Variants in CNTN1 observed in about 807,000 individuals in gnomAD.
CNTN1 encodes contactin 1, also known as contactin-1.
A neutral mutation model predicts 126.4 loss-of-function variants in CNTN1; 38 were observed. The observed-to-expected ratio is 0.30, with a 90% CI of 0.23 to 0.39. CNTN1 has a LOEUF of 0.39. CNTN1 is among the 10% of genes least tolerant of loss of function. CNTN1 has a pLI of 1.00. For missense variants in CNTN1, 1,009 were observed against 1,248.4 expected (o/e 0.81, Z 2.89); for synonymous variants, 413 against 422.6 (o/e 0.98, Z 0.28).
At chr12:40,769,447 A>G (rs994219399) in intron 1 of CNTN1, among the ~76,000 whole-genome samples, 1 of 152,214 alleles carries the variant, frequency 6.6e-6, no homozygotes, top group African/African-American at 2.4e-5. Flanking sequence ...ATGGCCAACA[A>G]TTAAAATTCA....
intron 1 of CNTN1, among the ~76,000 whole-genome samples, chr12:40,804,318 C>T (rs187534982): frequency 9.1e-4 from 138 of 152,088 alleles, no homozygotes; most frequent in African/African-American, 3.0e-3. Flanking sequence ...GATATGTGTA[C>T]ATAAACAGTT....
At chr12:40,842,843 G>A (rs1341507722) in intron 1 of CNTN1, among the ~76,000 whole-genome samples, 2 of 152,074 alleles carry the variant, frequency 1.3e-5, no homozygotes, top group African/African-American at 4.8e-5. Flanking sequence ...TTAGGGATTT[G>A]TTATGTTTAA....
At chr12:40,770,792 G>A (rs1035205706) in intron 1 of CNTN1, among the ~76,000 whole-genome samples, 5 of 152,108 alleles carry the variant, frequency 3.3e-5, no homozygotes, top group African/African-American at 1.2e-4. Context: ...GGCCTGACTT[G>A]ATTCATGCTT....
At chr12:41,053,259 A>G (rs1379058975) in intron 23 of CNTN1, among the ~76,000 whole-genome samples, 1 of 150,874 alleles carries the variant, frequency 6.6e-6, no homozygotes, top group Non-Finnish European at 1.5e-5. Context: ...TTTTATAAAT[A>G]AAAAGACATT....
At chr12:40,914,841 G>A (rs927934437) in intron 3 of CNTN1, among the ~76,000 whole-genome samples, 1 of 152,046 alleles carries the variant, frequency 6.6e-6, no homozygotes, top group Non-Finnish European at 1.5e-5. Context: ...ATGTTATCCA[G>A]TTTGGCCTAT....
At chr12:40,876,141 C>A (rs1489613625) in intron 1 of CNTN1, among the ~76,000 whole-genome samples, 29 of 142,690 alleles carry the variant, frequency 2.0e-4, no homozygotes, top group South Asian at 2.2e-4. Flanking sequence ...TAGTAAAAGC[C>A]AAAAAAAAAA....
intron 1 of CNTN1, among the ~76,000 whole-genome samples, chr12:40,810,290 G>A (rs1003947758): frequency 1.3e-5 from 2 of 152,138 alleles, no homozygotes; most frequent in African/African-American, 4.8e-5. Flanking sequence ...GTCACAAAGT[G>A]ATGTTTTGAT....
At chr12:40,723,582 G>C (rs1323031377) in intron 1 of CNTN1, among the ~76,000 whole-genome samples, 2 of 152,190 alleles carry the variant, frequency 1.3e-5, no homozygotes, top group Non-Finnish European at 2.9e-5. Flanking sequence ...TGAAACACTT[G>C]ATGTGTTATT....
intron 1 of CNTN1, among the ~76,000 whole-genome samples, chr12:40,727,721 C>G (rs935896822): frequency 3.3e-5 from 5 of 152,032 alleles, no homozygotes; most frequent in Admixed American, 3.3e-4. Flanking sequence ...CATGCTACAC[C>G]CTTTGTCTAT....
intron 1 of CNTN1, among the ~76,000 whole-genome samples, chr12:40,805,980 A>G (rs77395541): frequency 0.023 from 3,462 of 152,184 alleles, 127 homozygotes; most frequent in African/African-American, 0.078. Flanking sequence ...TTTTAAATCA[A>G]TGTTGTAATC....
chr12:40,930,488 A>G (rs962307286), intron 7 of CNTN1, among the ~76,000 whole-genome samples: 1 of 152,014 alleles, frequency 6.6e-6, no homozygotes, highest in Non-Finnish European at 1.5e-5. Flanking sequence ...TCTAATCTAC[A>G]TAATCAGCAT....
At chr12:40,822,468 G>C (rs1313950337) in intron 1 of CNTN1, among the ~76,000 whole-genome samples, 1 of 151,968 alleles carries the variant, frequency 6.6e-6, no homozygotes, top group African/African-American at 2.4e-5. Flanking sequence ...TACATGTTAT[G>C]ATTGGAATTG....
intron 15 of CNTN1, among the ~76,000 whole-genome samples, chr12:40,970,487 G>A (rs532405910): frequency 6.6e-6 from 1 of 151,952 alleles, no homozygotes; most frequent in South Asian, 2.1e-4. Context: ...CCTAGTTTCC[G>A]TTTCTTCTAT....
At chr12:40,937,750 G>A in intron 11 of CNTN1, 63 bp downstream of exon 11, 1 of 969,230 alleles carries the variant, frequency 1.0e-6, no homozygotes, top group Non-Finnish European at 1.7e-6. Flanking sequence ...CACACAAAAT[G>A]TTTATTGAGC....
chr12:41,038,861 G>T (rs1949330579), intron 23 of CNTN1, among the ~76,000 whole-genome samples: 1 of 151,950 alleles, frequency 6.6e-6, no homozygotes, highest in African/African-American at 2.4e-5. Context: ...CACTAAGAGT[G>T]CAGGGAGGGG....
At chr12:40,980,691 A>G (rs1947798321) in intron 15 of CNTN1, among the ~76,000 whole-genome samples, 1 of 152,166 alleles carries the variant, frequency 6.6e-6, no homozygotes, top group African/African-American at 2.4e-5. Context: ...AAATGATAGC[A>G]TTTATCCCCT....
At chr12:40,973,735 T>G (rs2137051979) in intron 15 of CNTN1, among the ~76,000 whole-genome samples, 1 of 152,206 alleles carries the variant, frequency 6.6e-6, no homozygotes, top group East Asian at 1.9e-4. Context: ...TATTTCCAAC[T>G]ATAGTTGTTT....
rs181883520 is a variant in CNTN1 at position 40,983,465 on chromosome 12, C to T, written c.1963+2398C>T. ...ACATTTTAATTCCTTTGATGATATTCACCGTGTGTGTGTGTGTGTGTGTGT... is the reference window on the plus strand; with the variant it reads ...ACATTTTAATTCCTTTGATGATATTTACCGTGTGTGTGTGTGTGTGTGTGT... On this transcript the variant is annotated intron_variant, in intron 16 of 23. Transcript: ENST00000551295. Among the ~76,000 whole-genome samples the T allele has an allele frequency of 8.5e-3, 1,253 of 147,468 alleles. 15 individuals are homozygous for T. The highest frequency in any genetic ancestry group is 0.011 in the Non-Finnish European group (718 of 66,888).
chr12:40,850,542 A>C (rs780540111), intron 1 of CNTN1, among the ~76,000 whole-genome samples: 1 of 152,000 alleles, frequency 6.6e-6, no homozygotes, highest in Non-Finnish European at 1.5e-5. Context: ...CATTCTTTGC[A>C]TTAAAAAAAA....
Sources: gnomAD v4.1 joint callset for allele counts (sites outside exome capture counted in the v4.1 genomes callset) on GRCh38, gnomAD v4.1.1 for gene constraint, MANE v1.5 for transcripts, NCBI Gene and HGNC (gene_info 2026-07-23, HGNC 2026-07-21) for gene names.